Variants in TENM3 observed in about 807,000 individuals in gnomAD.
The protein encoded by TENM3 is teneurin-3.
In TENM3, 63 loss-of-function variants were observed where a neutral mutation model predicts 255.1. That is an observed-to-expected ratio of 0.25 (90% CI 0.20 to 0.30). TENM3 has a LOEUF of 0.30. Among genes scored for constraint, TENM3 ranks in the 10% least tolerant of loss-of-function variants. TENM3 has a pLI of 1.00. For synonymous variants in TENM3, 1,306 were observed against 1,322.3 expected (o/e 0.99, Z 0.27); for missense variants, 2,929 against 3,461.1 (o/e 0.85, Z 3.86).
chr4:181,703,783 A>T, the TENM3 span, among the ~76,000 whole-genome samples: 1 of 141,298 alleles, frequency 7.1e-6, no homozygotes, highest in Non-Finnish European at 1.6e-5. Context: ...TAATGGATGG[A>T]AGTTCTTTGG....
intron 3 of TENM3, among the ~76,000 whole-genome samples, chr4:182,476,352 T>C (rs1453447002): frequency 2.0e-5 from 3 of 152,198 alleles, no homozygotes; most frequent in African/African-American, 4.8e-5. Flanking sequence ...TTTAATTGTT[T>C]GGGTTTGGAG....
At chr4:182,394,368 T>C (rs1398900363) in intron 3 of TENM3, among the ~76,000 whole-genome samples, 1 of 152,172 alleles carries the variant, frequency 6.6e-6, no homozygotes, top group Non-Finnish European at 1.5e-5. Context: ...TACATGCGCA[T>C]ACAGAAGCAA....
At chr4:182,623,291 G>A (rs1362776352) in intron 4 of TENM3, among the ~76,000 whole-genome samples, 3 of 151,688 alleles carry the variant, frequency 2.0e-5, no homozygotes, top group Non-Finnish European at 4.4e-5. Context: ...GGGATTACAG[G>A]TGTGAGCCAC....
At chr4:182,042,493 C>T in the TENM3 span, among the ~76,000 whole-genome samples, 8 of 152,290 alleles carry the variant, frequency 5.3e-5, no homozygotes, top group East Asian at 1.9e-4. Context: ...AAGGTCCTGA[C>T]TCTTTGGGCT....
At chr4:182,665,011 A>G (rs4586994) in intron 6 of TENM3, among the ~76,000 whole-genome samples, 36,463 of 152,148 alleles carry the variant, frequency 0.24, 4,652 homozygotes, top group East Asian at 0.39. Flanking sequence ...TGATGAATGT[A>G]GCTACACTAA....
At chr4:181,477,579 C>T in the TENM3 span, among the ~76,000 whole-genome samples, 1 of 152,046 alleles carries the variant, frequency 6.6e-6, no homozygotes, top group Non-Finnish European at 1.5e-5. Context: ...GCCAAATATT[C>T]GAGGTCACCC....
At chr4:182,292,907 G>A (rs904188146) in intron 1 of TENM3, among the ~76,000 whole-genome samples, 1 of 152,154 alleles carries the variant, frequency 6.6e-6, no homozygotes, top group Non-Finnish European at 1.5e-5. Flanking sequence ...GTTAACTAGG[G>A]GGAGAGGTAG....
the TENM3 span, among the ~76,000 whole-genome samples, chr4:181,817,151 C>T: frequency 2.0e-5 from 3 of 152,132 alleles, no homozygotes; most frequent in East Asian, 1.9e-4. Flanking sequence ...TGTAGATATT[C>T]AGTAGTTATA....
chr4:181,915,076 G>A, the TENM3 span, among the ~76,000 whole-genome samples: 2 of 152,142 alleles, frequency 1.3e-5, no homozygotes, highest in Admixed American at 1.3e-4. Flanking sequence ...AAAATTGTCA[G>A]TGGTTGGAGG....
At chr4:181,919,387 G>GTT in the TENM3 span, among the ~76,000 whole-genome samples, 143 of 151,730 alleles carry the variant, frequency 9.4e-4, 2 homozygotes, top group South Asian at 4.0e-3. Flanking sequence ...GTGTGTGTGT[G>GTT]TGTGTGTGTG....
At chr4:182,562,019 G>A (rs1397048386) in intron 3 of TENM3, among the ~76,000 whole-genome samples, 2 of 151,628 alleles carry the variant, frequency 1.3e-5, no homozygotes, top group Non-Finnish European at 2.9e-5. Context: ...TAGATAGATA[G>A]ATAGATAGAT....
chr4:181,705,265 AAG>A, the TENM3 span, among the ~76,000 whole-genome samples: 1 of 152,208 alleles, frequency 6.6e-6, no homozygotes, highest in African/African-American at 2.4e-5. Flanking sequence ...AGCCATTACG[AAG>A]AGTTTACCGA....
intron 3 of TENM3, among the ~76,000 whole-genome samples, chr4:182,595,365 A>G (rs1402104248): frequency 2.0e-5 from 3 of 152,100 alleles, no homozygotes; most frequent in African/African-American, 7.2e-5. Flanking sequence ...TTTTCCTGGT[A>G]TAATAGTCAA....
At chr4:182,294,750 A>G (rs975827760) in intron 1 of TENM3, among the ~76,000 whole-genome samples, 3 of 152,314 alleles carry the variant, frequency 2.0e-5, no homozygotes, top group Middle Eastern at 3.4e-3. Flanking sequence ...CTTCCCATCA[A>G]TGGATATGGA....
At chr4:181,718,459 C>T in the TENM3 span, among the ~76,000 whole-genome samples, 9 of 152,308 alleles carry the variant, frequency 5.9e-5, no homozygotes, top group South Asian at 1.7e-3. Context: ...ACCTCCATAG[C>T]TCATGATTAT....
rs565032927 is a variant in TENM3, at chr4:182,718,174, C to T, written c.2368+3941C>T. 1.6e-4 allele frequency among the ~76,000 whole-genome samples: 24 copies of T among 150,680 alleles called. No homozygotes were observed. The South Asian group carries it at 3.8e-3, about 24-fold the overall frequency. ...GACGTTCAACTCAAACATTATTACA[C>T]GTAAAAAAAAAAATTATTAGCTTAT... is the stretch of plus-strand genomic sequence containing the variant. On this transcript the variant is annotated intron_variant, in intron 13 of 27. Coordinates refer to ENST00000511685, the MANE Select transcript of TENM3 (RefSeq NM_001080477.4).
At chr4:181,663,859 C>T in the TENM3 span, among the ~76,000 whole-genome samples, 5 of 152,192 alleles carry the variant, frequency 3.3e-5, no homozygotes, top group African/African-American at 4.8e-5. Flanking sequence ...GTTATCAATG[C>T]TGCCGTCATC....
At chr4:182,306,657 A>G (rs1173550075) in intron 1 of TENM3, among the ~76,000 whole-genome samples, 2 of 152,166 alleles carry the variant, frequency 1.3e-5, no homozygotes, top group Non-Finnish European at 2.9e-5. Context: ...AACCTGTAGT[A>G]TCTGAGGACT....
chr4:181,961,174 C>CGT, the TENM3 span, among the ~76,000 whole-genome samples: 21 of 149,072 alleles, frequency 1.4e-4, no homozygotes, highest in African/African-American at 4.7e-4. Flanking sequence ...CTGATGCTTG[C>CGT]TGTCAACTTG....
Sources: allele counts gnomAD v4.1 joint callset (sites outside exome capture counted in the v4.1 genomes callset), GRCh38; gene constraint gnomAD v4.1.1; transcripts MANE v1.5; gene names NCBI Gene and HGNC (gene_info 2026-07-23, HGNC 2026-07-21).